Variants in DEPTOR observed in about 807,000 individuals in gnomAD.
DEPTOR encodes the protein DEP domain containing MTOR interacting protein.
Under a neutral mutation model 41.6 loss-of-function variants are expected in DEPTOR, and 41 were observed. That is an observed-to-expected ratio of 0.98 (90% CI 0.77 to 1.28). The LOEUF is 1.28. Among genes scored for constraint, DEPTOR ranks in the 50% most tolerant of loss-of-function variants. The pLI, the probability that DEPTOR is intolerant of heterozygous loss-of-function variation, is 0.00. For synonymous variants in DEPTOR, 195 were observed against 192.3 expected (o/e 1.01, Z -0.12); for missense variants, 514 against 527.9 (o/e 0.97, Z 0.26).
chr8:119,954,987 T>C (rs1171189325), intron 3 of DEPTOR, among the ~76,000 whole-genome samples: 1 of 152,010 alleles, frequency 6.6e-6, no homozygotes, highest in Non-Finnish European at 1.5e-5. Context: ...GCCTCTTGAG[T>C]AGCTGGGATT....
chr8:119,944,706 G>A (rs1443205325), intron 3 of DEPTOR, among the ~76,000 whole-genome samples: 1 of 148,586 alleles, frequency 6.7e-6, no homozygotes, highest in Non-Finnish European at 1.5e-5. Flanking sequence ...CCAGGCTGGA[G>A]TGCAATGGCA....
At position 120,001,653 on chromosome 8, in the gene DEPTOR, C is replaced by A; in HGVS notation, c.733C>A (p.Pro245Thr). Reference protein sequence around the residue: ...SPSSQETHDSPFCLRKQSHDN... With the variant: ...SPSSQETHDSTFCLRKQSHDN... ...CTCCTCCCAGGAAACTCATGACAGTCCCTTCTGCCTGAGGAAGCAGAGCCA... is the reference window on the plus strand; with the variant it reads ...CTCCTCCCAGGAAACTCATGACAGTACCTTCTGCCTGAGGAAGCAGAGCCA... The change falls in exon 5 of 9, where the codon CCC becomes ACC. Residue 245 changes from proline to threonine, a missense_variant. Coordinates refer to ENST00000286234, the MANE Select transcript of DEPTOR (RefSeq NM_022783.4). 1 of 1,614,056 alleles carries A rather than the reference C, an allele frequency of 6.2e-7. No homozygotes were observed. Among genetic ancestry groups the A allele is most frequent in the Non-Finnish European group, 8.5e-7 (1 of 1,179,976 alleles).
At chr8:120,005,457 C>T (rs565582356) in intron 6 of DEPTOR, among the ~76,000 whole-genome samples, 2 of 152,336 alleles carry the variant, frequency 1.3e-5, no homozygotes, top group Admixed American at 6.5e-5. Context: ...AACCAGTGGG[C>T]GAGGTCCAGC....
chr8:120,049,303 A>G (rs1254339483), intron 8 of DEPTOR, among the ~76,000 whole-genome samples: 1 of 152,018 alleles, frequency 6.6e-6, no homozygotes, highest in Non-Finnish European at 1.5e-5. Context: ...ATACCTAGCT[A>G]GTATTTAAAT....
intron 1 of DEPTOR, among the ~76,000 whole-genome samples, chr8:119,881,767 A>C (rs192361884): frequency 5.3e-5 from 8 of 152,342 alleles, no homozygotes; most frequent in African/African-American, 1.9e-4. Flanking sequence ...TCCTGGAGTC[A>C]GTAAATTACT....
rs151315902 is a variant in DEPTOR, at chr8:120,006,971, A to G, written c.996+96A>G. 3.4e-4 allele frequency: 402 copies of G among 1,184,652 alleles called. 2 individuals are homozygous for G. The African/African-American group carries it at 5.2e-3, about 15-fold the overall frequency. The allele number at this position is 1,184,652 out of a possible 1,614,324, so 73.4% of individuals were successfully genotyped here. ...TAGCTTATAGACTGAAATGAAAACT[A>G]CTTTTCTAATTTTCTTTTTGTTTTT... On this transcript the variant is annotated intron_variant, in intron 7 of 8. Transcript: ENST00000286234.
chr8:120,046,259 T>G (rs1476307735), intron 8 of DEPTOR, among the ~76,000 whole-genome samples: 1 of 152,182 alleles, frequency 6.6e-6, no homozygotes, highest in African/African-American at 2.4e-5. Context: ...TTTTAATATA[T>G]TCACAGATTT....
At chr8:119,924,363 T>G (rs1827937160) in intron 1 of DEPTOR, among the ~76,000 whole-genome samples, 2 of 137,856 alleles carry the variant, frequency 1.5e-5, no homozygotes, top group South Asian at 4.9e-4. Flanking sequence ...CAACAGCCAT[T>G]TCAACTGTCC....
intron 1 of DEPTOR, among the ~76,000 whole-genome samples, chr8:119,902,125 G>C (rs1332440943): frequency 6.6e-6 from 1 of 152,068 alleles, no homozygotes; most frequent in Non-Finnish European, 1.5e-5. Context: ...TGATTATGTT[G>C]ATTCCCAATT....
intron 4 of DEPTOR, among the ~76,000 whole-genome samples, chr8:119,992,612 G>A (rs1812189054): frequency 6.6e-6 from 1 of 151,338 alleles, no homozygotes; most frequent in East Asian, 1.9e-4. Context: ...AAGGATGAAT[G>A]AAAGTATGTG....
At chr8:120,037,801 A>G (rs1813000832) in intron 8 of DEPTOR, among the ~76,000 whole-genome samples, 1 of 152,094 alleles carries the variant, frequency 6.6e-6, no homozygotes, top group African/African-American at 2.4e-5. Context: ...TGTAGAGATG[A>G]GTCCAGGTTA....
chr8:119,916,939 TA>T (rs1045722289), intron 1 of DEPTOR, among the ~76,000 whole-genome samples: 1 of 152,228 alleles, frequency 6.6e-6, no homozygotes, highest in African/African-American at 2.4e-5. Context: ...AGCTAATTTT[TA>T]AATTTTTGTT....
chr8:119,958,707 G>A (rs559770874), intron 3 of DEPTOR, among the ~76,000 whole-genome samples: 3 of 152,156 alleles, frequency 2.0e-5, no homozygotes, highest in Non-Finnish European at 2.9e-5. Context: ...GCATGAACCC[G>A]GGAGGCAGAG....
At chr8:119,945,084 G>A (rs1280788952) in intron 3 of DEPTOR, among the ~76,000 whole-genome samples, 1 of 151,954 alleles carries the variant, frequency 6.6e-6, no homozygotes, top group Non-Finnish European at 1.5e-5. Context: ...AGCTCTCTGA[G>A]GTCATGCACC....
In DEPTOR at chr8:120,022,200, G is replaced by A. The variant is rs1367823177; in HGVS notation, c.1101+13067G>A. On this transcript the variant is annotated intron_variant, in intron 8 of 8. Coordinates refer to ENST00000286234, the MANE Select transcript of DEPTOR (RefSeq NM_022783.4). ...AAAAGATGCATGGATTGTAAGATACGCTTTGATTTCAGAGTTGCTAAAATG... is the reference window on the plus strand; with the variant it reads ...AAAAGATGCATGGATTGTAAGATACACTTTGATTTCAGAGTTGCTAAAATG... 4.8e-5 allele frequency among the ~76,000 whole-genome samples: 7 copies of A among 146,204 alleles called. No individual in the cohort carries two copies. The South Asian group carries it at 9.0e-4, about 19-fold the overall frequency.
chr8:119,888,557 C>T (rs1252585850), intron 1 of DEPTOR, among the ~76,000 whole-genome samples: 2 of 152,032 alleles, frequency 1.3e-5, no homozygotes, highest in Non-Finnish European at 2.9e-5. Context: ...GATGGATAAA[C>T]AAGAATTCTT....
intron 1 of DEPTOR, among the ~76,000 whole-genome samples, chr8:119,880,869 TTAAA>T (rs1259950159): frequency 6.6e-6 from 1 of 152,214 alleles, no homozygotes; most frequent in Non-Finnish European, 1.5e-5. Context: ...AAGGGAATGC[TTAAA>T]TAGAGAGAAA....
chr8:120,002,976 G>A lies in DEPTOR; in HGVS notation c.791-1G>A. 4 of 1,560,722 alleles carry A rather than the reference G, an allele frequency of 2.6e-6. No homozygotes were observed. Among genetic ancestry groups the A allele is most frequent in the Non-Finnish European group, 3.5e-6 (4 of 1,152,806 alleles). On this transcript the variant is annotated splice_acceptor_variant, in intron 5 of 8. Coordinates refer to ENST00000286234, the MANE Select transcript of DEPTOR (RefSeq NM_022783.4). LOFTEE classifies it high-confidence loss of function. ...CTGTGTGTGTTCTCTGGCCTACACA[G>A]TGAGCCCCAGCAAGGAGATCAAGAT...
intron 8 of DEPTOR, among the ~76,000 whole-genome samples, chr8:120,029,552 T>A (rs781234880): frequency 2.6e-5 from 4 of 152,096 alleles, no homozygotes; most frequent in Admixed American, 6.6e-5. Context: ...CACACCACCA[T>A]GCCTGGCTAA....
Sources: allele counts gnomAD v4.1 joint callset (sites outside exome capture counted in the v4.1 genomes callset), GRCh38; gene constraint gnomAD v4.1.1; transcripts MANE v1.5; gene names NCBI Gene and HGNC (gene_info 2026-07-23, HGNC 2026-07-21).